The following TTN variants were observed in gnomAD, a reference collection of about 807,000 sequenced individuals.
TTN encodes the protein connectin.
A neutral mutation model predicts 3,223.0 loss-of-function variants in TTN; 1,525 were observed. The observed-to-expected ratio is 0.47, with a 90% CI of 0.45 to 0.49. TTN has a LOEUF of 0.49. Among genes scored for constraint, TTN ranks in the 20% least tolerant of loss-of-function variants. The pLI, the probability that TTN is intolerant of heterozygous loss-of-function variation, is 0.00. For synonymous variants in TTN, 14,094 were observed against 15,161.0 expected (o/e 0.93, Z 5.17); for missense variants, 40,786 against 43,424.0 (o/e 0.94, Z 5.40).
At chr2:178,694,797 TA>T in intron 116 of TTN, 31 bp downstream of exon 116, 1 of 1,525,670 alleles carries the variant, frequency 6.6e-7, no homozygotes, top group Non-Finnish European at 8.9e-7. Flanking sequence ...ATTACTTGTG[TA>T]CATGGGTGCT....
intron 47 of TTN, chr2:178,751,242 G>A (rs2085405089): frequency 6.2e-7 from 1 of 1,607,976 alleles, no homozygotes; most frequent in Middle Eastern, 1.7e-4. Context: ...GTATCTAAAA[G>A]AGATAATTTC....
rs2742330 is a variant in TTN, at chr2:178,714,210, A to G, written c.26483-35T>C. On this transcript the variant is annotated intron_variant, in intron 91 of 362. Coordinates refer to ENST00000589042, the MANE Select transcript of TTN (RefSeq NM_001267550.2). ...AATGTAAAAGATATCCATATTTTAA[A>G]CTCAAATTGAAAAACTAAAGAAAAT... 53,951 of 1,591,360 alleles carry G rather than the reference A, an allele frequency of 0.034. 1,794 individuals carry two copies. The highest frequency in any genetic ancestry group is 0.19 in the East Asian group (8,505 of 44,600).
chr2:178,594,426 C>T lies in TTN; in HGVS notation c.58068G>A (p.Glu19356=). 1.2e-6 allele frequency: 2 copies of T among 1,612,682 alleles called. No homozygotes were observed. Among genetic ancestry groups the T allele is most frequent in the Non-Finnish European group, 1.7e-6 (2 of 1,179,274 alleles). The part of the protein sequence containing the change: ...VKGLKEGDTY[E]YRVSAVNIVG... ...CAATGTTGACAGCACTGACACGGTACTCATAGGTATCACCTTCTTTTAAGC... is the reference window on the plus strand; with the variant it reads ...CAATGTTGACAGCACTGACACGGTATTCATAGGTATCACCTTCTTTTAAGC... Residue 19356 remains glutamate, a synonymous_variant, in exon 296 of 363, where the codon GAG becomes GAA. Coordinates refer to ENST00000589042, the MANE Select transcript of TTN (RefSeq NM_001267550.2).
rs1380086280 is a variant in TTN, at chr2:178,567,187, A to G, written c.78945T>C (p.Gly26315=). The G allele has an allele frequency of 3.1e-6, 5 of 1,613,280 alleles. No individual in the cohort carries two copies. In the South Asian group the frequency reaches 5.5e-5, roughly 18 times the overall value. ...SLTWSPPLQD[G]GSDISHYVVE... ...CAACATAGTGAGAAATGTCACTGCC[A>G]CCATCTTGAAGTGGTGGAGACCATG... The change falls in exon 326 of 363, where the codon GGT becomes GGC. Residue 26315 remains glycine (G), a synonymous_variant. Coordinates refer to ENST00000589042, the MANE Select transcript of TTN (RefSeq NM_001267550.2).
Position 178,549,115 on chromosome 2 carries a change from A to T in TTN, c.92511T>A (p.Thr30837=). The change falls in exon 339 of 363, where the codon ACT becomes ACA. Residue 30837 remains threonine (T), a synonymous_variant. Coordinates refer to ENST00000589042, the MANE Select transcript of TTN (RefSeq NM_001267550.2). ...CTGGTTTGGACCATTCTAAGCTCAC[A>T]GTTGTCTTTGATGTGTCTGTTACTT... ...VVKVTDTSKT[T]VSLEWSKPVF... is the part of the protein sequence containing the mutation. The T allele has an allele frequency of 6.2e-7, 1 of 1,613,820 alleles. No individual in the cohort carries two copies. Among genetic ancestry groups the T allele is most frequent in the Non-Finnish European group, 8.5e-7 (1 of 1,179,822 alleles).
intron 47 of TTN, chr2:178,751,415 A>G: frequency 1.2e-6 from 2 of 1,609,714 alleles, no homozygotes; most frequent in Middle Eastern, 1.7e-4. Context: ...GGCAGAACTC[A>G]TTGTCTTAAA....
rs761965693 is a variant in TTN, at chr2:178,732,439, C to A, written c.16621+1G>T. 2.5e-6 allele frequency: 4 copies of A among 1,598,192 alleles called. No individual in the cohort carries two copies. The East Asian group carries it at 9.0e-5, about 36-fold the overall frequency. On this transcript the variant is annotated splice_donor_variant, in intron 56 of 362. Transcript: ENST00000589042. LOFTEE classifies it high-confidence loss of function. ...AAAGATGTCAAGAAAACAATGCAAA[C>A]CTTTTACAAACAAGTTTGCACTGCA... is the stretch of plus-strand genomic sequence containing the variant.
chr2:178,678,704 C>G (rs762808025), intron 143 of TTN, 43 bp downstream of exon 143: 77 of 1,567,436 alleles, frequency 4.9e-5, no homozygotes, highest in Non-Finnish European at 6.2e-5. Context: ...TACCCATATG[C>G]AAATGTGAAA....
chr2:178,806,372 A>G (rs1342180825), intron 1 of TTN, among the ~76,000 whole-genome samples: 1 of 152,242 alleles, frequency 6.6e-6, no homozygotes, highest in Admixed American at 6.5e-5. Context: ...TAGTAATCAA[A>G]TTCTAGGAAG....
At chr2:178,673,002 T>G (rs2067282261) in intron 152 of TTN, among the ~76,000 whole-genome samples, 1 of 151,774 alleles carries the variant, frequency 6.6e-6, no homozygotes, top group South Asian at 2.1e-4. Context: ...TGAAGACTTT[T>G]TTGAAGTGAT....
intron 119 of TTN, among the ~76,000 whole-genome samples, chr2:178,692,874 G>A (rs1386705861): frequency 2.0e-5 from 3 of 152,006 alleles, no homozygotes; most frequent in Admixed American, 2.0e-4. Flanking sequence ...CGATAACTAT[G>A]AAGTTAGTTT....
At chr2:178,645,817 G>T in intron 217 of TTN, 103 bp downstream of exon 217, 1 of 669,404 alleles carries the variant, frequency 1.5e-6, no homozygotes, top group Non-Finnish European at 2.4e-6. Flanking sequence ...ATGTCTGAAA[G>T]TACACACTTC....
rs2627044 is a variant in TTN at position 178,714,639 on chromosome 2, G to A, written c.26201-66C>T. 0.034 allele frequency: 49,942 copies of A among 1,472,536 alleles called. 1,678 individuals are homozygous for A. The highest frequency in any genetic ancestry group is 0.19 in the East Asian group (8,241 of 43,196). The allele number at this position is 1,472,536 out of a possible 1,614,324, so 91.2% of individuals were successfully genotyped here. ...AGACTGACAGCATTTTGCTCAAATC[G>A]TGAATGCCGGGAATCAAACTAGTGA... On this transcript the variant is annotated intron_variant, in intron 90 of 362. Coordinates refer to ENST00000589042, the MANE Select transcript of TTN (RefSeq NM_001267550.2).
rs141258018 is a variant in TTN, at chr2:178,767,892, C to T, written c.9338G>A (p.Arg3113His). The change falls in exon 40 of 363, where the codon CGC (arginine) becomes CAC (histidine). Residue 3113 changes from arginine to histidine, a missense_variant. Transcript: ENST00000589042. The part of the protein sequence containing the change: ...IKIQKEKYVH[R>H]LLIPSTRMSD... Reference sequence around the variant, plus strand: ...CATCCGGGTGGATGGGATCAGAAGGCGGTGGACATATTTCTCCTTCTGAAT... The same window carrying T: ...CATCCGGGTGGATGGGATCAGAAGGTGGTGGACATATTTCTCCTTCTGAAT... 499 of 1,614,024 alleles carry T rather than the reference C, an allele frequency of 3.1e-4. 2 individuals carry two copies. The East Asian group carries it at 9.4e-3, about 30-fold the overall frequency.
In TTN at chr2:178,775,555, C is replaced by T. The variant is rs1172897986; in HGVS notation, c.6309G>A (p.Gly2103=). 6.2e-7 allele frequency: 1 copy of T among 1,613,902 alleles called. No homozygotes were observed. Among genetic ancestry groups the T allele is most frequent in the Non-Finnish European group, 8.5e-7 (1 of 1,179,994 alleles). Residue 2103 remains glycine (G), a synonymous_variant, in exon 28 of 363, where the codon GGG becomes GGA. Coordinates refer to ENST00000589042, the MANE Select transcript of TTN (RefSeq NM_001267550.2). Reference sequence around the variant, plus strand: ...ACCATTCACATTCGGGGTCTGGTTTCCCCACGACTCTGACCCGGAAGTGTG... The same window carrying T: ...ACCATTCACATTCGGGGTCTGGTTTTCCCACGACTCTGACCCGGAAGTGTG... ...SDAHFRVRVV[G]KPDPECEWYK...
intron 69 of TTN, 135 bp downstream of exon 69, chr2:178,726,955 A>G: frequency 1.1e-6 from 1 of 926,058 alleles, no homozygotes; most frequent in Non-Finnish European, 1.5e-6. Flanking sequence ...CTAAAAAGGG[A>G]AATAATACTA....
At chr2:178,769,368 C>T (rs1315146803) in intron 37 of TTN, among the ~76,000 whole-genome samples, 1 of 152,068 alleles carries the variant, frequency 6.6e-6, no homozygotes, top group Non-Finnish European at 1.5e-5. Context: ...ATCTTCCCAC[C>T]TCAGCCTCCT....
Position 178,603,765 on chromosome 2 carries a change from TAATA to T in TTN, c.54811+107_54811+110del, listed in dbSNP as rs529261668. On this transcript the variant is annotated intron_variant, in intron 282 of 362. Coordinates refer to ENST00000589042, the MANE Select transcript of TTN (RefSeq NM_001267550.2). The stretch of plus-strand genomic sequence containing the variant: ...ATGTGAACATGAACCTTTTTTATTT[TAATA>T]AATAAAATAATTTGGCATAGAAAAA... 3.6e-5 allele frequency: 40 copies of T among 1,101,196 alleles called. 1 individual carries two copies. In the South Asian group the frequency reaches 6.7e-4, roughly 18 times the overall value. 68.2% of individuals were successfully genotyped at this position (1,101,196 alleles called of 1,614,324 possible). A position where few individuals can be genotyped will look rare whatever the true frequency, so the allele number is the denominator to read the frequency against.
rs879113967 is a variant in TTN, at chr2:178,620,352, G to A, written c.46169C>T (p.Pro15390Leu). Residue 15390 changes from proline to leucine, a missense_variant, in exon 248 of 363, where the codon CCG becomes CTG. Transcript: ENST00000589042. ...SVAELLIIEAPTEFVEHLEDQ... is the reference protein window; with the variant it reads ...SVAELLIIEALTEFVEHLEDQ... ...TTCCAAGTGTTCCACAAATTCTGTC[G>A]GGGCTTCTATGATGAGAAGCTCAGC... 14 of 1,604,578 alleles carry A rather than the reference G, an allele frequency of 8.7e-6. No homozygotes were observed. The highest frequency in any genetic ancestry group is 5.1e-5 in the Admixed American group (3 of 59,304).
Sources: allele counts gnomAD v4.1 joint callset (sites outside exome capture counted in the v4.1 genomes callset), GRCh38; gene constraint gnomAD v4.1.1; transcripts MANE v1.5; gene names NCBI Gene and HGNC (gene_info 2026-07-23, HGNC 2026-07-21).